The following ZNF831 variants were observed in gnomAD, a reference collection of about 807,000 sequenced individuals.
ZNF831 encodes chromosome 20 open reading frame 174.
ZNF831 carries 59 observed loss-of-function variants against 95.8 expected under a neutral mutation model. That is an observed-to-expected ratio of 0.62 (90% CI 0.50 to 0.77). The LOEUF is 0.77. ZNF831 is among the 30% of genes least tolerant of loss of function. The pLI is 0.00. For synonymous variants in ZNF831, 961 were observed against 925.5 expected, an observed-to-expected ratio of 1.04 and a Z score of -0.70; for missense variants, 2,205 against 2,164.0, an observed-to-expected ratio of 1.02 and a Z score of -0.38.
intron 4 of ZNF831, among the ~76,000 whole-genome samples, chr20:59,244,455 T>C (rs1304743410): frequency 2.0e-5 from 3 of 152,238 alleles, no homozygotes; most frequent in African/African-American, 4.8e-5. Context: ...TAATACACTT[T>C]GGGGGTTTTC....
At chr20:59,147,638 A>G (rs972800523) in intron 2 of ZNF831, among the ~76,000 whole-genome samples, 2 of 152,268 alleles carry the variant, frequency 1.3e-5, no homozygotes, top group African/African-American at 4.8e-5. Context: ...ACCACAAGGA[A>G]GAATGAGGCC....
At chr20:59,172,423 G>A (rs574611212) in intron 1 of ZNF831, among the ~76,000 whole-genome samples, 1 of 152,268 alleles carries the variant, frequency 6.6e-6, no homozygotes, top group East Asian at 1.9e-4. Flanking sequence ...GCTCTTCCTG[G>A]CCTGGAAAAA....
At chr20:59,162,933 T>A (rs1271816478), upstream of ZNF831, among the ~76,000 whole-genome samples, 2 of 152,148 alleles carry the variant, frequency 1.3e-5, no homozygotes, top group African/African-American at 4.8e-5. Flanking sequence ...GAGTGTTTTA[T>A]CATTTGTTTG....
chr20:59,207,566 GAAAT>G (rs947373732), intron 4 of ZNF831, among the ~76,000 whole-genome samples: 1 of 152,128 alleles, frequency 6.6e-6, no homozygotes, highest in Admixed American at 6.5e-5. Context: ...ACCATGCTTG[GAAAT>G]AAATAAAAGG....
rs1379710228 is a variant in ZNF831 at position 59,257,040 on chromosome 20, A to G, written c.*2297A>G. On this transcript the variant is annotated 3_prime_UTR_variant, in exon 6 of 6. Transcript: ENST00000371030. ...TTTCTGGGTGGCTACTGTGGAATCAACGGGGTCACTGGCTGTAAATCAGTA... is the reference window on the plus strand; with the variant it reads ...TTTCTGGGTGGCTACTGTGGAATCAGCGGGGTCACTGGCTGTAAATCAGTA... The G allele has an allele frequency of 6.6e-6, 1 of 152,128 alleles. No individual in the cohort carries two copies. Among genetic ancestry groups the G allele is most frequent in the Non-Finnish European group, 1.5e-5 (1 of 68,116 alleles). 9.4% of individuals were successfully genotyped at this position (152,128 alleles called of 1,614,324 possible). A position where few individuals can be genotyped will look rare whatever the true frequency, so the allele number is the denominator to read the frequency against.
At chr20:59,232,761 G>A (rs886175492) in intron 4 of ZNF831, among the ~76,000 whole-genome samples, 2 of 152,152 alleles carry the variant, frequency 1.3e-5, no homozygotes, top group African/African-American at 4.8e-5. Flanking sequence ...GACTCTTGGA[G>A]CTGATATCCC....
chr20:59,127,860 G>A (rs1288791655), intron 1 of ZNF831, among the ~76,000 whole-genome samples: 6 of 152,132 alleles, frequency 3.9e-5, no homozygotes, highest in Non-Finnish European at 8.8e-5. Context: ...GACAAAAGAG[G>A]AGGACTTTGG....
upstream of ZNF831, chr20:59,160,164 G>A (rs955159541): frequency 6.6e-6 from 1 of 152,416 alleles, no homozygotes; most frequent in African/African-American, 2.4e-5. Flanking sequence ...CTCCAGAAGA[G>A]GAGAGAGGAC....
At chr20:59,247,327 A>G (rs1334468108) in intron 4 of ZNF831, among the ~76,000 whole-genome samples, 1 of 152,088 alleles carries the variant, frequency 6.6e-6, no homozygotes, top group Non-Finnish European at 1.5e-5. Context: ...TGCTTGGTGA[A>G]TTTTTTATAT....
At chr20:59,128,453 T>G (rs1979247017) in intron 1 of ZNF831, among the ~76,000 whole-genome samples, 1 of 152,148 alleles carries the variant, frequency 6.6e-6, no homozygotes, top group African/African-American at 2.4e-5. Flanking sequence ...AATTGAGCCC[T>G]GAAGGAATAG....
At chr20:59,155,165 G>T (rs1256279657) in intron 2 of ZNF831, among the ~76,000 whole-genome samples, 1 of 152,046 alleles carries the variant, frequency 6.6e-6, no homozygotes, top group African/African-American at 2.4e-5. Context: ...ATTACAATCT[G>T]CCTGTTTGGC....
In ZNF831 at chr20:59,193,218, A is replaced by G. The variant is rs1983763066; in HGVS notation, c.2199A>G (p.Ala733=). ...PRVEEAVSSP[A]LGGRDSPCSG... The stretch of plus-strand genomic sequence containing the variant: ...TGGAAGAGGCTGTGTCATCCCCTGC[A>G]CTGGGTGGCAGAGACAGTCCCTGTT... The change falls in exon 2 of 6, where the codon GCA becomes GCG. Residue 733 remains alanine (A), a synonymous_variant. Transcript: ENST00000371030. 1 of 1,591,258 alleles carries G rather than the reference A, an allele frequency of 6.3e-7. No homozygotes were observed.
chr20:59,184,777 C>T (rs964595543), intron 1 of ZNF831, among the ~76,000 whole-genome samples: 1 of 152,240 alleles, frequency 6.6e-6, no homozygotes, highest in Non-Finnish European at 1.5e-5. Flanking sequence ...ATGGCATTTT[C>T]ATGTTCTCTC....
intron 4 of ZNF831, among the ~76,000 whole-genome samples, chr20:59,214,162 C>T (rs1012994074): frequency 1.3e-5 from 2 of 152,212 alleles, no homozygotes; most frequent in African/African-American, 4.8e-5. Context: ...TGAAGATAAA[C>T]AGCAAATCCT....
intron 2 of ZNF831, among the ~76,000 whole-genome samples, chr20:59,156,568 T>A (rs1980555601): frequency 6.6e-6 from 1 of 152,056 alleles, no homozygotes; most frequent in African/African-American, 2.4e-5. Context: ...AAAGAAAATG[T>A]TAAATAGGCA....
At chr20:59,247,607 G>A (rs561537251) in intron 4 of ZNF831, among the ~76,000 whole-genome samples, 1 of 152,306 alleles carries the variant, frequency 6.6e-6, no homozygotes, top group East Asian at 1.9e-4. Context: ...TTGTGGATCT[G>A]TTAATTCCCG....
chr20:59,147,669 C>T (rs1456475807), intron 2 of ZNF831, among the ~76,000 whole-genome samples: 1 of 152,240 alleles, frequency 6.6e-6, no homozygotes, highest in Non-Finnish European at 1.5e-5. Flanking sequence ...CCAAACAAGG[C>T]TGATTTTGAC....
intron 4 of ZNF831, among the ~76,000 whole-genome samples, chr20:59,245,876 A>G (rs1987571235): frequency 6.6e-6 from 1 of 152,254 alleles, no homozygotes; most frequent in Non-Finnish European, 1.5e-5. Flanking sequence ...CGTTCATCTC[A>G]GGAACAGAAA....
intron 4 of ZNF831, among the ~76,000 whole-genome samples, chr20:59,240,653 T>G (rs1987277981): frequency 1.3e-5 from 2 of 151,558 alleles, no homozygotes. Flanking sequence ...TACAAAAAAA[T>G]TAGCCGGGCG....
Sources: allele counts gnomAD v4.1 joint callset (sites outside exome capture counted in the v4.1 genomes callset), GRCh38; gene constraint gnomAD v4.1.1; transcripts MANE v1.5; gene names NCBI Gene and HGNC (gene_info 2026-07-23, HGNC 2026-07-21).